Variants in NRF1 observed in about 807,000 individuals in gnomAD.
NRF1 encodes alpha palindromic-binding protein.
Under a neutral mutation model 58.5 loss-of-function variants are expected in NRF1, and 5 were observed. That is an observed-to-expected ratio of 0.09 (90% CI 0.04 to 0.18). The LOEUF (loss-of-function observed/expected upper bound fraction) is 0.18. Among genes scored for constraint, NRF1 ranks in the 10% least tolerant of loss-of-function variants. The pLI is 1.00. For synonymous variants in NRF1, 224 were observed against 246.7 expected (o/e 0.91, Z 0.86); for missense variants, 288 against 657.7 (o/e 0.44, Z 6.15).
Position 129,622,784 on chromosome 7 carries a change from A to G in NRF1, c.-7+10960A>G, listed in dbSNP as rs534536314. ...AGGATTTCACCACGTTAGCTAGGCTAGTTTTGAACTCCTGACCTCAGGTGA... is the reference window on the plus strand; with the variant it reads ...AGGATTTCACCACGTTAGCTAGGCTGGTTTTGAACTCCTGACCTCAGGTGA... On this transcript the variant is annotated intron_variant, in intron 1 of 10. Transcript: ENST00000393232. Among the ~76,000 whole-genome samples the G allele has an allele frequency of 2.6e-5, 4 of 152,136 alleles. No individual in the cohort carries two copies. In the South Asian group the frequency reaches 8.3e-4, roughly 32 times the overall value.
intron 1 of NRF1, among the ~76,000 whole-genome samples, chr7:129,648,077 G>A (rs1801449721): frequency 6.6e-6 from 1 of 151,476 alleles, no homozygotes; most frequent in Non-Finnish European, 1.5e-5. Context: ...AGATGAAATA[G>A]AAGGACTTAC....
intron 2 of NRF1, among the ~76,000 whole-genome samples, chr7:129,670,106 C>G (rs1802013665): frequency 6.6e-6 from 1 of 152,142 alleles, no homozygotes; most frequent in African/African-American, 2.4e-5. Context: ...AAGACAAATA[C>G]TGCATGATTC....
chr7:129,742,993 C>T (rs1271181532), intron 10 of NRF1, among the ~76,000 whole-genome samples: 1 of 152,118 alleles, frequency 6.6e-6, no homozygotes, highest in Non-Finnish European at 1.5e-5. Flanking sequence ...TGAAATGCCT[C>T]GGCTGCTTAA....
intron 5 of NRF1, among the ~76,000 whole-genome samples, chr7:129,701,071 A>C (rs1053234049): frequency 1.3e-5 from 2 of 152,250 alleles, no homozygotes; most frequent in Non-Finnish European, 2.9e-5. Flanking sequence ...CTTACATAGG[A>C]TACAACTTGA....
intron 5 of NRF1, among the ~76,000 whole-genome samples, chr7:129,707,316 A>G (rs1802972565): frequency 6.6e-6 from 1 of 152,200 alleles, no homozygotes; most frequent in Non-Finnish European, 1.5e-5. Flanking sequence ...TTGTTAATTT[A>G]GAATTATTTA....
rs1269160172 is a variant in NRF1 at position 129,663,413 on chromosome 7, G to A, written c.223+5839G>A. ...CAGAGGCGCTCCTCACCTCCCAGAC[G>A]GGGTGGCGGCCGGGCAGAGGCGCTC... On this transcript the variant is annotated intron_variant, in intron 2 of 10. Transcript: ENST00000393232. Among the ~76,000 whole-genome samples, 10 of 150,724 alleles carry A rather than the reference G, an allele frequency of 6.6e-5. No individual in the cohort carries two copies. The East Asian group carries it at 8.0e-4, about 12-fold the overall frequency.
chr7:129,666,529 C>A (rs959774406), intron 2 of NRF1, among the ~76,000 whole-genome samples: 18 of 152,096 alleles, frequency 1.2e-4, no homozygotes, highest in African/African-American at 4.3e-4. Context: ...CTGAGTATTT[C>A]TTTTTCTGTT....
chr7:129,612,885 T>A (rs74330895), intron 1 of NRF1, among the ~76,000 whole-genome samples: 3,993 of 152,336 alleles, frequency 0.026, 63 homozygotes, highest in Middle Eastern at 0.075. Context: ...TGAAGTTGTT[T>A]AAAAATCTTA....
intron 4 of NRF1, among the ~76,000 whole-genome samples, chr7:129,681,830 T>C (rs1370470569): frequency 7.1e-5 from 1 of 14,088 alleles, no homozygotes; most frequent in East Asian, 1.7e-3. Context: ...CTCATGCCTG[T>C]AATCCCAGCA....
chr7:129,731,172 C>A (rs10250715), intron 10 of NRF1, among the ~76,000 whole-genome samples: 27,230 of 151,528 alleles, frequency 0.18, 2,695 homozygotes, highest in East Asian at 0.47. Flanking sequence ...TCGGGAGTTC[C>A]AGGCACGAGA....
rs1218891157 is a variant in NRF1, at chr7:129,741,366, G to A, written c.1349-13652G>A. Reference sequence around the variant, plus strand: ...TCTCATTCTCCTTCCCTTTAGGTCCGCAGATCTTTCGGAGTCTTTGTATGT... The same window carrying A: ...TCTCATTCTCCTTCCCTTTAGGTCCACAGATCTTTCGGAGTCTTTGTATGT... On this transcript the variant is annotated intron_variant, in intron 10 of 10. Transcript: ENST00000393232. The surrounding 1 kb of genome is among the most constrained non-coding windows in gnomAD (Gnocchi z 4.0). 3.9e-5 allele frequency among the ~76,000 whole-genome samples: 6 copies of A among 152,158 alleles called. No homozygotes were observed. The highest frequency in any genetic ancestry group is 2.1e-4 in the South Asian group (1 of 4,820).
At chr7:129,704,623 C>T (rs919900140) in intron 5 of NRF1, among the ~76,000 whole-genome samples, 1 of 152,058 alleles carries the variant, frequency 6.6e-6, no homozygotes, top group African/African-American at 2.4e-5. Flanking sequence ...TTTGCATATA[C>T]CTAGTGAGAT....
chr7:129,727,441 G>A (rs1803475257), intron 10 of NRF1, 76 bp downstream of exon 10: 4 of 1,465,918 alleles, frequency 2.7e-6, no homozygotes, highest in Non-Finnish European at 2.7e-6. Context: ...TGGCAACAAA[G>A]CCTTCAGAAA....
chr7:129,749,695 G>GGTGTTAAGT (rs1804067871), intron 10 of NRF1, among the ~76,000 whole-genome samples: 1 of 152,090 alleles, frequency 6.6e-6, no homozygotes, highest in South Asian at 2.1e-4. Context: ...TCCTGGCCCT[G>GGTGTTAAGT]GTGTTAAGTG....
chr7:129,644,457 A>G (rs1801361692), intron 1 of NRF1, among the ~76,000 whole-genome samples: 1 of 152,270 alleles, frequency 6.6e-6, no homozygotes, highest in African/African-American at 2.4e-5. Context: ...ACACTGATAG[A>G]TAATGGCCTG....
intron 10 of NRF1, among the ~76,000 whole-genome samples, chr7:129,745,441 G>A (rs1289076360): frequency 1.3e-5 from 2 of 151,912 alleles, no homozygotes; most frequent in East Asian, 3.9e-4. Flanking sequence ...TCTCATAGGA[G>A]CACGAACCTA....
At chr7:129,639,330 A>C (rs1198447922) in intron 1 of NRF1, among the ~76,000 whole-genome samples, 2 of 152,132 alleles carry the variant, frequency 1.3e-5, no homozygotes, top group South Asian at 2.1e-4. Flanking sequence ...TGACTCTTCC[A>C]TATATACTTG....
chr7:129,732,112 C>G (rs2116266042), intron 10 of NRF1, among the ~76,000 whole-genome samples: 1 of 152,292 alleles, frequency 6.6e-6, no homozygotes, highest in Admixed American at 6.5e-5. Context: ...TTGAGGAGCT[C>G]TTTGCTGAGT....
intron 1 of NRF1, among the ~76,000 whole-genome samples, chr7:129,616,125 C>T (rs1349816443): frequency 6.6e-6 from 1 of 151,976 alleles, no homozygotes; most frequent in African/African-American, 2.4e-5. Context: ...ATTTTCAGCC[C>T]AACTTAATGC....
Sources: allele counts gnomAD v4.1 joint callset (sites outside exome capture counted in the v4.1 genomes callset), GRCh38; gene constraint gnomAD v4.1.1; non-coding constraint Gnocchi (gnomAD v3.1); transcripts MANE v1.5; gene names NCBI Gene and HGNC (gene_info 2026-07-23, HGNC 2026-07-21).